The following GSG1L variants were observed in gnomAD, a reference collection of about 807,000 sequenced individuals.
The protein encoded by GSG1L is GSG1 like.
GSG1L carries 24 observed loss-of-function variants against 42.1 expected under a neutral mutation model. The ratio of observed to expected loss-of-function variants is 0.57; its 90% CI spans 0.41 to 0.80. GSG1L has a LOEUF of 0.80. Among genes scored for constraint, GSG1L ranks in the 30% least tolerant of loss-of-function variants. The pLI, the probability that GSG1L is intolerant of heterozygous loss-of-function variation, is 0.00. For synonymous variants in GSG1L, 215 were observed against 203.5 expected (o/e 1.06, Z -0.48); for missense variants, 445 against 472.2 (o/e 0.94, Z 0.53).
In GSG1L at chr16:27,934,096, C is replaced by T. The variant is rs929263826; in HGVS notation, c.397+29060G>A. Among the ~76,000 whole-genome samples, 34 of 152,280 alleles carry T rather than the reference C, an allele frequency of 2.2e-4. 1 individual carries two copies. In the East Asian group the frequency reaches 2.3e-3, roughly 10 times the overall value. On this transcript the variant is annotated intron_variant, in intron 2 of 6. Transcript: ENST00000447459. ...GTGCTTTGCAGCAGAGAAGGCAGGG[C>T]GGGGCAGAACAACCTTCCCCAGCAC...
chr16:27,926,991 C>A (rs767144161), intron 2 of GSG1L, among the ~76,000 whole-genome samples: 2 of 152,066 alleles, frequency 1.3e-5, no homozygotes, highest in Non-Finnish European at 2.9e-5. Flanking sequence ...GAAGCCAAGC[C>A]CTTGACCTCT....
intron 1 of GSG1L, among the ~76,000 whole-genome samples, chr16:28,037,308 G>A (rs1030547353): frequency 2.0e-5 from 3 of 152,250 alleles, no homozygotes; most frequent in Admixed American, 6.5e-5. Flanking sequence ...TCACAGGCGT[G>A]AGCCACCACG....
At chr16:28,002,964 C>CA (rs1227194997) in intron 1 of GSG1L, among the ~76,000 whole-genome samples, 1 of 151,920 alleles carries the variant, frequency 6.6e-6, no homozygotes, top group Non-Finnish European at 1.5e-5. Context: ...GAAAGAAAAA[C>CA]AAAAAAAGAT....
chr16:27,825,111 G>A (rs2083194860), intron 5 of GSG1L, among the ~76,000 whole-genome samples: 1 of 152,302 alleles, frequency 6.6e-6, no homozygotes, highest in East Asian at 1.9e-4. Context: ...TGGCATGGAA[G>A]TGCTGGGGCA....
At chr16:27,829,100 G>A (rs958114583) in intron 4 of GSG1L, 144 bp from the exon 5 acceptor site, 17 of 735,134 alleles carry the variant, frequency 2.3e-5, no homozygotes, top group Non-Finnish European at 3.5e-5. Context: ...AGAAGGATAA[G>A]ACTTGGTCCC....
chr16:27,860,888 G>T (rs2083640735), intron 3 of GSG1L, among the ~76,000 whole-genome samples: 1 of 152,042 alleles, frequency 6.6e-6, no homozygotes, highest in Non-Finnish European at 1.5e-5. Flanking sequence ...ACTTGTTGAA[G>T]GAATGAGTGT....
At chr16:27,913,988 T>C (rs200705213) in intron 2 of GSG1L, among the ~76,000 whole-genome samples, 6 of 94,302 alleles carry the variant, frequency 6.4e-5, no homozygotes, top group African/African-American at 1.7e-4. Context: ...TTCCTTCCAG[T>C]TTTTTTTTTT....
intron 4 of GSG1L, among the ~76,000 whole-genome samples, chr16:27,834,426 C>T (rs986305726): frequency 5.3e-5 from 8 of 151,202 alleles, no homozygotes; most frequent in African/African-American, 1.2e-4. Context: ...GTTTTAATAA[C>T]GGTAATGTTA....
chr16:27,927,326 A>T (rs2084605779), intron 2 of GSG1L, among the ~76,000 whole-genome samples: 1 of 151,770 alleles, frequency 6.6e-6, no homozygotes, highest in African/African-American at 2.4e-5. Context: ...TTTTGTAGAG[A>T]TGGGGTCTCA....
intron 1 of GSG1L, among the ~76,000 whole-genome samples, chr16:28,012,955 T>C (rs1171962932): frequency 6.6e-6 from 1 of 150,554 alleles, no homozygotes; most frequent in Non-Finnish European, 1.5e-5. Flanking sequence ...CCAGGTGCAG[T>C]GGCTCACACC....
chr16:27,867,964 C>T (rs962249080), intron 3 of GSG1L, among the ~76,000 whole-genome samples: 3 of 152,264 alleles, frequency 2.0e-5, no homozygotes, highest in Non-Finnish European at 4.4e-5. Context: ...TACACTCACT[C>T]CACTAAGTCC....
intron 1 of GSG1L, among the ~76,000 whole-genome samples, chr16:27,968,900 G>A (rs2085162205): frequency 6.6e-6 from 1 of 152,178 alleles, no homozygotes; most frequent in Non-Finnish European, 1.5e-5. Flanking sequence ...CTTGAGATCA[G>A]GAGTTCGAGA....
chr16:27,838,381 TAC>T (rs1258350296), intron 4 of GSG1L, among the ~76,000 whole-genome samples: 1 of 152,186 alleles, frequency 6.6e-6, no homozygotes, highest in Non-Finnish European at 1.5e-5. Flanking sequence ...ACCCACAAAA[TAC>T]ACAGTTTGAA....
chr16:27,880,974 C>T (rs1222762989), intron 3 of GSG1L, among the ~76,000 whole-genome samples: 1 of 151,872 alleles, frequency 6.6e-6, no homozygotes, highest in African/African-American at 2.4e-5. Context: ...TCCACTTCTT[C>T]CCTATCTTGG....
At chr16:27,853,640 C>T (rs183875834) in intron 3 of GSG1L, among the ~76,000 whole-genome samples, 254 of 152,306 alleles carry the variant, frequency 1.7e-3, no homozygotes, top group Non-Finnish European at 2.6e-3. Context: ...GAGTCATTAG[C>T]GTCACTCTGG....
At chr16:28,052,667 T>C (rs1388525601) in intron 1 of GSG1L, among the ~76,000 whole-genome samples, 1 of 152,222 alleles carries the variant, frequency 6.6e-6, no homozygotes, top group African/African-American at 2.4e-5. Context: ...TGACCTGCTA[T>C]GGACATGTCA....
At chr16:27,858,282 C>T (rs1024657699) in intron 3 of GSG1L, among the ~76,000 whole-genome samples, 7 of 152,214 alleles carry the variant, frequency 4.6e-5, no homozygotes, top group African/African-American at 1.7e-4. Flanking sequence ...GGGCACTTTA[C>T]AGTTTGTAAA....
At chr16:27,934,767 C>T (rs974007322) in intron 2 of GSG1L, among the ~76,000 whole-genome samples, 1 of 152,046 alleles carries the variant, frequency 6.6e-6, no homozygotes. Context: ...CTCAGTTTAC[C>T]CATCTGAAAA....
At chr16:27,971,044 C>G (rs2085188158) in intron 1 of GSG1L, among the ~76,000 whole-genome samples, 1 of 152,188 alleles carries the variant, frequency 6.6e-6, no homozygotes, top group South Asian at 2.1e-4. Flanking sequence ...ATCTTGATTA[C>G]TGTAGCTTTG....
Sources: allele counts gnomAD v4.1 joint callset (sites outside exome capture counted in the v4.1 genomes callset), GRCh38; gene constraint gnomAD v4.1.1; transcripts MANE v1.5; gene names NCBI Gene and HGNC (gene_info 2026-07-23, HGNC 2026-07-21).